MAF: variants seen among roughly 807,000 people sequenced by gnomAD.
The protein encoded by MAF is MAF bZIP transcription factor.
A neutral mutation model predicts 22.0 loss-of-function variants in MAF; 10 were observed. That is an observed-to-expected ratio of 0.45 (90% CI 0.28 to 0.77). MAF has a LOEUF of 0.77. MAF is among the 30% of genes least tolerant of loss of function. The pLI is 0.12. For missense variants in MAF, 544 were observed against 548.4 expected (o/e 0.99, Z 0.08); for synonymous variants, 337 against 255.8 (o/e 1.32, Z -3.03).
At chr16:79,323,966 C>T in the MAF span, among the ~76,000 whole-genome samples, 1 of 152,154 alleles carries the variant, frequency 6.6e-6, no homozygotes, top group East Asian at 1.9e-4. Context: ...GTAGAACACC[C>T]AGAACGTTCC....
the MAF span, among the ~76,000 whole-genome samples, chr16:79,248,965 A>T: frequency 6.6e-6 from 1 of 152,162 alleles, no homozygotes; most frequent in Non-Finnish European, 1.5e-5. Context: ...TTAAAAATCT[A>T]CTCAGAATGC....
At chr16:79,285,577 G>C in the MAF span, among the ~76,000 whole-genome samples, 2 of 152,132 alleles carry the variant, frequency 1.3e-5, no homozygotes, top group Non-Finnish European at 2.9e-5. Context: ...GAATTTCTGG[G>C]AGTGGGACTC....
At chr16:79,489,410 G>T in the MAF span, among the ~76,000 whole-genome samples, 1 of 152,076 alleles carries the variant, frequency 6.6e-6, no homozygotes, top group African/African-American at 2.4e-5. Context: ...ATCAGTTCCC[G>T]TGATAAGAGT....
chr16:79,340,183 C>T, the MAF span, among the ~76,000 whole-genome samples: 31 of 152,052 alleles, frequency 2.0e-4, no homozygotes, highest in Non-Finnish European at 3.7e-4. Flanking sequence ...AATACCTGCC[C>T]CTCCTTCCCT....
chr16:79,347,390 G>A, the MAF span, among the ~76,000 whole-genome samples: 1 of 152,152 alleles, frequency 6.6e-6, no homozygotes, highest in Admixed American at 6.5e-5. Context: ...CAGGAGTCTC[G>A]GTCATACCAT....
the MAF span, among the ~76,000 whole-genome samples, chr16:79,485,375 C>T: frequency 6.6e-6 from 1 of 152,200 alleles, no homozygotes; most frequent in Non-Finnish European, 1.5e-5. Flanking sequence ...TTCTCTGTCA[C>T]CCATTTGTTG....
At chr16:79,256,907 G>A in the MAF span, among the ~76,000 whole-genome samples, 2 of 152,120 alleles carry the variant, frequency 1.3e-5, no homozygotes, top group East Asian at 1.9e-4. Flanking sequence ...GGCTGGGCCC[G>A]GTGGCTCACG....
At chr16:79,523,592 G>C in the MAF span, among the ~76,000 whole-genome samples, 1 of 152,192 alleles carries the variant, frequency 6.6e-6, no homozygotes, top group Admixed American at 6.5e-5. Context: ...CAAGAGTTTA[G>C]TGAAGAAGAC....
the MAF span, among the ~76,000 whole-genome samples, chr16:79,469,365 T>C: frequency 2.6e-5 from 4 of 152,098 alleles, no homozygotes; most frequent in Admixed American, 2.0e-4. Flanking sequence ...AAACATAAGC[T>C]CGGGATTCAG....
Position 79,599,873 on chromosome 16 carries a change from G to A in MAF, c.30C>T (p.Ser10=). The A allele has an allele frequency of 1.9e-6, 3 of 1,606,710 alleles. No individual in the cohort carries two copies. Among genetic ancestry groups the A allele is most frequent in the Non-Finnish European group, 2.5e-6 (3 of 1,179,802 alleles). Residue 10 remains serine (S), a synonymous_variant, in exon 1 of 2, where the codon TCC becomes TCT. Coordinates refer to ENST00000326043, the MANE Select transcript of MAF (RefSeq NM_005360.5). MASELAMSN[S]DLPTSPLAME... ...TGGCCAGGGGACTGGTGGGCAGGTC[G>A]GAGTTGCTCATTGCCAGTTCTGATG...
the MAF span, among the ~76,000 whole-genome samples, chr16:79,462,909 T>G: frequency 1.3e-5 from 2 of 152,178 alleles, no homozygotes; most frequent in Admixed American, 6.5e-5. Flanking sequence ...AGTTCGTATT[T>G]TGGGGTATTG....
the MAF span, among the ~76,000 whole-genome samples, chr16:79,331,414 A>C: frequency 2.4e-4 from 36 of 152,276 alleles, 1 homozygote; most frequent in East Asian, 6.8e-3. Flanking sequence ...GTATTTCTTA[A>C]TCTCCTTCAC....
chr16:79,299,759 C>T, the MAF span, among the ~76,000 whole-genome samples: 1 of 152,330 alleles, frequency 6.6e-6, no homozygotes, highest in South Asian at 2.1e-4. Flanking sequence ...CATGGGTGCC[C>T]GTGTGTTCCA....
At chr16:79,228,485 G>A in the MAF span, among the ~76,000 whole-genome samples, 1 of 151,948 alleles carries the variant, frequency 6.6e-6, no homozygotes, top group African/African-American at 2.4e-5. Context: ...TCAAAGCTTT[G>A]GATAGGAAAG....
chr16:79,594,625 G>T (rs2143759962), intron 1 of MAF, 72 bp from the exon 2 acceptor site: 1 of 1,520,864 alleles, frequency 6.6e-7, no homozygotes, highest in Non-Finnish European at 8.8e-7. Flanking sequence ...GGGAAAGCTA[G>T]ATTTCCTCAT....
intron 1 of MAF, among the ~76,000 whole-genome samples, chr16:79,588,175 C>T (rs1912970299): frequency 6.6e-6 from 1 of 152,214 alleles, no homozygotes; most frequent in African/African-American, 2.4e-5. Context: ...ATTACCTGCA[C>T]AGTGCAGTAA....
chr16:79,430,201 C>G, the MAF span, among the ~76,000 whole-genome samples: 2 of 152,168 alleles, frequency 1.3e-5, no homozygotes, highest in Non-Finnish European at 2.9e-5. Flanking sequence ...AAAGGTAGCG[C>G]TTTGTTTACA....
the MAF span, among the ~76,000 whole-genome samples, chr16:79,274,514 CA>C: frequency 6.6e-6 from 1 of 152,122 alleles, no homozygotes; most frequent in Admixed American, 6.5e-5. Context: ...ACTGACAGCA[CA>C]TGGACTTTCG....
At chr16:79,439,621 T>G in the MAF span, among the ~76,000 whole-genome samples, 7 of 152,276 alleles carry the variant, frequency 4.6e-5, no homozygotes, top group South Asian at 1.2e-3. Context: ...TTCCAAGGAA[T>G]AGTATATTGC....
Sources: gnomAD v4.1 joint callset for allele counts (sites outside exome capture counted in the v4.1 genomes callset) on GRCh38, gnomAD v4.1.1 for gene constraint, MANE v1.5 for transcripts, NCBI Gene and HGNC (gene_info 2026-07-23, HGNC 2026-07-21) for gene names.